PAX7: variants seen among roughly 807,000 people sequenced by gnomAD.
PAX7 encodes the protein paired box protein Pax-7.
In PAX7, 18 loss-of-function variants were observed where a neutral mutation model predicts 50.7. The observed-to-expected ratio is 0.36, with a 90% confidence interval of 0.25 to 0.53. The LOEUF (loss-of-function observed/expected upper bound fraction) is 0.53. PAX7 is among the 20% of genes least tolerant of loss of function. PAX7 has a pLI of 0.93. For missense variants in PAX7, 644 were observed against 702.9 expected, an observed-to-expected ratio of 0.92 and a Z score of 0.95; for synonymous variants, 310 against 290.4, an observed-to-expected ratio of 1.07 and a Z score of -0.69.
rs1448967432 is a variant in PAX7 at position 18,744,918 on chromosome 1, C to G, written c.1507C>G (p.Gln503Glu). 1.3e-6 allele frequency: 2 copies of G among 1,545,398 alleles called. No individual in the cohort carries two copies. Among genetic ancestry groups the G allele is most frequent in the African/African-American group, 2.7e-5 (2 of 72,978 alleles). The change falls in exon 9 of 9, where the codon CAG (glutamine) becomes GAG (glutamate). Residue 503 changes from glutamine (Q) to glutamate (E), a missense_variant. By Grantham distance (29) the Gln-to-Glu change is conservative (BLOSUM62 2). Coordinates refer to ENST00000420770, the MANE Select transcript of PAX7 (RefSeq NM_001135254.2). ...VLGLLPVETG[Q>E]AY ...GGGACTCCTGCCTGTGGAAACTGGC[C>G]AGGCCTACTAGGGCCCCTGGGGCGA...
intron 7 of PAX7, among the ~76,000 whole-genome samples, chr1:18,723,912 A>G (rs1488099886): frequency 6.6e-6 from 1 of 152,184 alleles, no homozygotes; most frequent in Admixed American, 6.5e-5. Flanking sequence ...GTCCTCCCCA[A>G]GCTGCCTCCA....
intron 7 of PAX7, among the ~76,000 whole-genome samples, chr1:18,712,788 G>A (rs1472824465): frequency 1.3e-5 from 2 of 152,174 alleles, no homozygotes; most frequent in Admixed American, 6.5e-5. Context: ...TGGCCTTCAA[G>A]GACCACTCTG....
Position 18,631,446 on chromosome 1 carries a change from TG to T in PAX7, c.-152del, listed in dbSNP as rs2088043765. The T allele has an allele frequency of 1.1e-5, 6 of 559,930 alleles. No individual in the cohort carries two copies. Among genetic ancestry groups the T allele is most frequent in the Non-Finnish European group, 1.9e-5 (6 of 312,070 alleles). 34.7% of individuals were successfully genotyped at this position (559,930 alleles called of 1,614,324 possible). A position where few individuals can be genotyped will look rare whatever the true frequency, so the allele number is the denominator to read the frequency against. ...GGACGCGTTTGACTGCAGCCAGGGG[TG>T]GGGGGTGGGGGTAGGGAGTGTGTGT... On this transcript the variant is annotated 5_prime_UTR_variant, in exon 1 of 9. Transcript: ENST00000420770.
At chr1:18,640,401 C>A (rs986808335) in intron 4 of PAX7, among the ~76,000 whole-genome samples, 3 of 151,444 alleles carry the variant, frequency 2.0e-5, no homozygotes, top group Admixed American at 6.6e-5. Context: ...CACGGCTCCC[C>A]TCAGCCCACA....
chr1:18,643,029 A>C (rs370739893), intron 4 of PAX7, among the ~76,000 whole-genome samples: 15 of 151,966 alleles, frequency 9.9e-5, no homozygotes, highest in African/African-American at 3.6e-4. Context: ...TGCACTTGGA[A>C]CTTCAACCTC....
chr1:18,736,571 T>C (rs1930664257), intron 8 of PAX7, among the ~76,000 whole-genome samples: 1 of 152,178 alleles, frequency 6.6e-6, no homozygotes, highest in African/African-American at 2.4e-5. Flanking sequence ...ATGCAATTCA[T>C]ATATAATTAT....
At chr1:18,733,840 C>T (rs565169907) in intron 7 of PAX7, among the ~76,000 whole-genome samples, 10 of 152,278 alleles carry the variant, frequency 6.6e-5, no homozygotes, top group African/African-American at 2.2e-4. Context: ...CAGGGTCAGG[C>T]GAACTGAGCC....
intron 7 of PAX7, among the ~76,000 whole-genome samples, chr1:18,733,420 T>C (rs1051699196): frequency 6.6e-6 from 1 of 152,124 alleles, no homozygotes. Flanking sequence ...TCTCTCTCCT[T>C]CTTGCAAACC....
chr1:18,665,381 T>C (rs1352699515), intron 4 of PAX7, among the ~76,000 whole-genome samples: 1 of 152,064 alleles, frequency 6.6e-6, no homozygotes, highest in Non-Finnish European at 1.5e-5. Context: ...CCTTTTTCTT[T>C]CTCTTTTGTT....
chr1:18,682,021 G>A (rs1381369430), intron 4 of PAX7, among the ~76,000 whole-genome samples: 8 of 152,076 alleles, frequency 5.3e-5, no homozygotes, highest in Non-Finnish European at 8.8e-5. Flanking sequence ...TACAGGTGTG[G>A]GCCACTATGT....
At chr1:18,741,784 A>G (rs566442548) in intron 8 of PAX7, among the ~76,000 whole-genome samples, 1 of 152,320 alleles carries the variant, frequency 6.6e-6, no homozygotes, top group African/African-American at 2.4e-5. Context: ...GGAGCAGAAC[A>G]TGGGATCAAT....
At chr1:18,695,267 G>A (rs1473545659) in intron 5 of PAX7, among the ~76,000 whole-genome samples, 1 of 152,068 alleles carries the variant, frequency 6.6e-6, no homozygotes, top group African/African-American at 2.4e-5. Flanking sequence ...ATAAATGGGG[G>A]TTGTTCTTAC....
chr1:18,720,433 G>A (rs1169301178), intron 7 of PAX7, among the ~76,000 whole-genome samples: 1 of 152,156 alleles, frequency 6.6e-6, no homozygotes. Context: ...ACCCTGGCAT[G>A]ACAGCTCAAC....
chr1:18,745,125 C>T lies in PAX7; in HGVS notation c.*196C>T, dbSNP rs1931378521. 2 of 586,034 alleles carry T rather than the reference C, an allele frequency of 3.4e-6. No individual in the cohort carries two copies. Among genetic ancestry groups the T allele is most frequent in the Admixed American group, 6.1e-5 (2 of 33,050 alleles). The allele number at this position is 586,034 out of a possible 1,614,324, so 36.3% of individuals were successfully genotyped here. On this transcript the variant is annotated 3_prime_UTR_variant, in exon 9 of 9. Coordinates refer to ENST00000420770, the MANE Select transcript of PAX7 (RefSeq NM_001135254.2). ...TGTGGTTAGGGATCCAGAGTGATGC[C>T]CTTGGAGTCTGCTCCCCACTTTCCC...
chr1:18,737,566 G>A (rs1930846427), intron 8 of PAX7, among the ~76,000 whole-genome samples: 1 of 152,236 alleles, frequency 6.6e-6, no homozygotes, highest in Admixed American at 6.5e-5. Context: ...TTCTATTTCA[G>A]CACCCATGTG....
intron 4 of PAX7, among the ~76,000 whole-genome samples, chr1:18,672,898 C>A (rs536365780): frequency 6.6e-6 from 1 of 152,232 alleles, no homozygotes; most frequent in East Asian, 1.9e-4. Context: ...GCCACTGCAT[C>A]TGGCCAGAGC....
Position 18,746,225 on chromosome 1 carries a change from A to T in PAX7, c.*1296A>T, listed in dbSNP as rs968752436. 1 of 230,950 alleles carries T rather than the reference A, an allele frequency of 4.3e-6. No individual in the cohort carries two copies. The highest frequency in any genetic ancestry group is 2.2e-5 in the African/African-American group (1 of 45,232). The allele number at this position is 230,950 out of a possible 1,614,324, so 14.3% of individuals were successfully genotyped here. On this transcript the variant is annotated 3_prime_UTR_variant, in exon 9 of 9. Coordinates refer to ENST00000420770, the MANE Select transcript of PAX7 (RefSeq NM_001135254.2). ...AGTGGCATCTTTCAATGTTGCCTCC[A>T]TCTTGGCCAAGAGGTCCCTGCCTCC... is the stretch of plus-strand genomic sequence containing the variant.
chr1:18,732,086 C>T (rs985198140), intron 7 of PAX7, among the ~76,000 whole-genome samples: 5 of 152,226 alleles, frequency 3.3e-5, no homozygotes, highest in Admixed American at 6.5e-5. Flanking sequence ...TCCCCTGCCT[C>T]GTCTTCTCAG....
At chr1:18,695,993 G>A (rs1021104836) in intron 5 of PAX7, among the ~76,000 whole-genome samples, 2 of 152,010 alleles carry the variant, frequency 1.3e-5, no homozygotes, top group African/African-American at 4.8e-5. Context: ...AAGCACTACA[G>A]AGATTCACTA....
Sources: gnomAD v4.1 joint callset for allele counts (sites outside exome capture counted in the v4.1 genomes callset) on GRCh38, gnomAD v4.1.1 for gene constraint, MANE v1.5 for transcripts, NCBI Gene and HGNC (gene_info 2026-07-23, HGNC 2026-07-21) for gene names.